The following TOX variants were observed in gnomAD, a reference collection of about 807,000 sequenced individuals.
TOX encodes the protein thymocyte selection-associated high mobility group box protein TOX.
Under a neutral mutation model 53.7 loss-of-function variants are expected in TOX, and 11 were observed. That is an observed-to-expected ratio of 0.20 (90% CI 0.13 to 0.34). TOX has a LOEUF of 0.34. Ranked by LOEUF, TOX falls within the 10% of genes least tolerant of loss-of-function variation. TOX has a pLI of 1.00. For missense variants in TOX, 570 were observed against 664.6 expected, an observed-to-expected ratio of 0.86 and a Z score of 1.56; for synonymous variants, 225 against 245.3, an observed-to-expected ratio of 0.92 and a Z score of 0.77.
intron 3 of TOX, among the ~76,000 whole-genome samples, chr8:58,937,383 T>C (rs562111219): frequency 1.3e-5 from 2 of 152,234 alleles, no homozygotes; most frequent in South Asian, 4.2e-4. Flanking sequence ...ATAAGGAAAT[T>C]TTATGAACAG....
At chr8:58,932,615 A>T (rs1812275043) in intron 3 of TOX, among the ~76,000 whole-genome samples, 1 of 152,196 alleles carries the variant, frequency 6.6e-6, no homozygotes, top group African/African-American at 2.4e-5. Flanking sequence ...ACAGCAATCA[A>T]ATTGTCTGTA....
chr8:59,013,980 C>T (rs994414687), intron 1 of TOX, among the ~76,000 whole-genome samples: 3 of 152,108 alleles, frequency 2.0e-5, no homozygotes, highest in African/African-American at 7.2e-5. Context: ...GCATTTATTT[C>T]TAAAACCCAT....
At chr8:58,817,332 G>A (rs1240581794) in intron 6 of TOX, among the ~76,000 whole-genome samples, 1 of 151,814 alleles carries the variant, frequency 6.6e-6, no homozygotes, top group Non-Finnish European at 1.5e-5. Flanking sequence ...AATTTTAAGG[G>A]GAGGTTTTAG....
At chr8:58,866,774 C>T (rs961695451) in intron 3 of TOX, among the ~76,000 whole-genome samples, 1 of 152,138 alleles carries the variant, frequency 6.6e-6, no homozygotes, top group African/African-American at 2.4e-5. Context: ...ATGTGTGCTA[C>T]GGTGAGGCAA....
At chr8:59,106,638 G>A (rs980661689) in intron 1 of TOX, among the ~76,000 whole-genome samples, 1 of 152,128 alleles carries the variant, frequency 6.6e-6, no homozygotes. Context: ...GCTAAGCAGA[G>A]TCATGAATTC....
chr8:59,061,734 G>C (rs930791917), intron 1 of TOX, among the ~76,000 whole-genome samples: 1 of 151,710 alleles, frequency 6.6e-6, no homozygotes, highest in African/African-American at 2.4e-5. Context: ...TATATATCTA[G>C]TAGCAAGAAA....
intron 1 of TOX, among the ~76,000 whole-genome samples, chr8:58,973,446 A>T (rs1563405739): frequency 1.3e-5 from 2 of 152,338 alleles, no homozygotes; most frequent in African/African-American, 4.8e-5. Context: ...GCTTGTGAAT[A>T]TGCATTCTGA....
intron 1 of TOX, among the ~76,000 whole-genome samples, chr8:58,971,537 GTACTTCC>G (rs1563405157): frequency 6.6e-6 from 1 of 152,170 alleles, no homozygotes. Flanking sequence ...GGAAACTATG[GTACTTCC>G]CCCTCATGGC....
At chr8:59,071,329 C>G (rs1023830584) in intron 1 of TOX, among the ~76,000 whole-genome samples, 1 of 152,160 alleles carries the variant, frequency 6.6e-6, no homozygotes, top group Non-Finnish European at 1.5e-5. Flanking sequence ...CACCTGCTTA[C>G]GTCTTTGAGA....
intron 1 of TOX, among the ~76,000 whole-genome samples, chr8:59,068,645 C>T (rs1804139092): frequency 6.6e-6 from 1 of 152,144 alleles, no homozygotes; most frequent in South Asian, 2.1e-4. Flanking sequence ...ACCTTGTATG[C>T]TTGGTAATAT....
At chr8:58,977,183 T>A (rs185382582) in intron 1 of TOX, among the ~76,000 whole-genome samples, 39 of 152,382 alleles carry the variant, frequency 2.6e-4, no homozygotes, top group African/African-American at 8.9e-4. Flanking sequence ...TTCTTCTGAA[T>A]AACTTACTGC....
chr8:59,002,947 A>C (rs1302035525), intron 1 of TOX, among the ~76,000 whole-genome samples: 1 of 152,212 alleles, frequency 6.6e-6, no homozygotes, highest in East Asian at 1.9e-4. Context: ...AATGCTGGTG[A>C]AGGGAATTCC....
At chr8:58,953,427 C>T (rs559329247) in intron 2 of TOX, among the ~76,000 whole-genome samples, 107 of 152,290 alleles carry the variant, frequency 7.0e-4, no homozygotes, top group African/African-American at 2.5e-3. Context: ...TCAAGTGAAG[C>T]ATCTTTTTAA....
intron 2 of TOX, among the ~76,000 whole-genome samples, chr8:58,943,905 C>T (rs1368841718): frequency 6.6e-6 from 1 of 152,190 alleles, no homozygotes; most frequent in Non-Finnish European, 1.5e-5. Context: ...TTAGGGACTA[C>T]AGGGTGAAAA....
intron 2 of TOX, among the ~76,000 whole-genome samples, chr8:58,942,025 C>T (rs1024191999): frequency 7.2e-5 from 10 of 139,434 alleles, no homozygotes; most frequent in African/African-American, 2.7e-4. Context: ...GACACTCCAG[C>T]GTGGGGTGAC....
intron 1 of TOX, among the ~76,000 whole-genome samples, chr8:59,029,542 G>T (rs544266776): frequency 5.5e-4 from 83 of 152,202 alleles, no homozygotes; most frequent in Admixed American, 1.2e-3. Context: ...ATTAAACCTG[G>T]CAAGGAAAAA....
At chr8:58,858,443 C>T (rs555045490) in intron 3 of TOX, among the ~76,000 whole-genome samples, 12 of 152,362 alleles carry the variant, frequency 7.9e-5, no homozygotes, top group East Asian at 3.8e-4. Flanking sequence ...ACCACCGCCT[C>T]GGCTGGCTCT....
At chr8:58,869,433 C>A (rs1811161128) in intron 3 of TOX, among the ~76,000 whole-genome samples, 1 of 151,960 alleles carries the variant, frequency 6.6e-6, no homozygotes, top group Non-Finnish European at 1.5e-5. Flanking sequence ...AATCACTAGT[C>A]CCAGAAAGTT....
chr8:59,103,507 G>T (rs1804843686), intron 1 of TOX, among the ~76,000 whole-genome samples: 1 of 152,194 alleles, frequency 6.6e-6, no homozygotes, highest in South Asian at 2.1e-4. Flanking sequence ...AAATAGACAT[G>T]AGTGTGTTGT....
Sources: gnomAD v4.1 joint callset for allele counts (sites outside exome capture counted in the v4.1 genomes callset) on GRCh38, gnomAD v4.1.1 for gene constraint, MANE v1.5 for transcripts, NCBI Gene and HGNC (gene_info 2026-07-23, HGNC 2026-07-21) for gene names.